Variants in C17orf100 observed in about 807,000 individuals in gnomAD.
The protein encoded by C17orf100 is uncharacterized protein C17orf100.
C17orf100 carries 1 observed loss-of-function variant against 0.7 expected under a neutral mutation model. The ratio of observed to expected loss-of-function variants is 1.50; its 90% CI spans 0.53 to 7.13. C17orf100 has a LOEUF of 7.13. C17orf100 is among the 30% of genes most tolerant of loss of function. C17orf100 has a pLI of 0.14. For synonymous variants in C17orf100, 87 were observed against 84.0 expected, an observed-to-expected ratio of 1.04 and a Z score of -0.20; for missense variants, 168 against 171.5, an observed-to-expected ratio of 0.98 and a Z score of 0.11.
chr17:6,652,342 C>T lies in C17orf100; in HGVS notation c.*72C>T. Reference sequence around the variant, plus strand: ...GACAGAAAGGCCTCCAGTTGCCAGCCAGCCAGCCAGCTGCCAGGTGGACCA... The same window carrying T: ...GACAGAAAGGCCTCCAGTTGCCAGCTAGCCAGCCAGCTGCCAGGTGGACCA... On this transcript the variant is annotated 3_prime_UTR_variant, in exon 1 of 1. Transcript: ENST00000542475. 6.3e-7 allele frequency: 1 copy of T among 1,588,282 alleles called. No homozygotes were observed. Among genetic ancestry groups the T allele is most frequent in the Non-Finnish European group, 8.6e-7 (1 of 1,168,892 alleles).
At position 6,652,710 on chromosome 17, in the gene C17orf100, A is replaced by C; in HGVS notation, c.*440A>C. ...CTGCTAAAAACTCGAGGGACAAGGAACAGACTCATAAATTATTAATTGGCC... is the reference window on the plus strand; with the variant it reads ...CTGCTAAAAACTCGAGGGACAAGGACCAGACTCATAAATTATTAATTGGCC... On this transcript the variant is annotated 3_prime_UTR_variant, in exon 1 of 1. Coordinates refer to ENST00000542475, the MANE Select transcript of C17orf100 (RefSeq NM_001105520.2). 1 of 205,666 alleles carries C rather than the reference A, an allele frequency of 4.9e-6. No homozygotes were observed. Among genetic ancestry groups the C allele is most frequent in the East Asian group, 1.6e-4 (1 of 6,196 alleles). 12.7% of individuals were successfully genotyped at this position (205,666 alleles called of 1,614,324 possible). A position where few individuals can be genotyped will look rare whatever the true frequency, so the allele number is the denominator to read the frequency against.
chr17:6,652,272 A>G lies in C17orf100; in HGVS notation c.*2A>G. 6.2e-7 allele frequency: 1 copy of G among 1,612,004 alleles called. No individual in the cohort carries two copies. On this transcript the variant is annotated 3_prime_UTR_variant, in exon 1 of 1. Transcript: ENST00000542475. ...CAGAACGAAAAAACGGCCCGATGAGATGCTGCTTCCCAAAGGCCACCAAGG... is the reference window on the plus strand; with the variant it reads ...CAGAACGAAAAAACGGCCCGATGAGGTGCTGCTTCCCAAAGGCCACCAAGG...
At position 6,652,690 on chromosome 17, in the gene C17orf100, A is replaced by G; in HGVS notation, c.*420A>G. ...CCTGTGGAATGATTCCATGCCTGCT[A>G]AAAACTCGAGGGACAAGGAACAGAC... On this transcript the variant is annotated 3_prime_UTR_variant, in exon 1 of 1. Transcript: ENST00000542475. 1 of 239,142 alleles carries G rather than the reference A, an allele frequency of 4.2e-6. No individual in the cohort carries two copies. Among genetic ancestry groups the G allele is most frequent in the Non-Finnish European group, 8.6e-6 (1 of 116,126 alleles). The allele number at this position is 239,142 out of a possible 1,614,324, so 14.8% of individuals were successfully genotyped here. A position where few individuals can be genotyped will look rare whatever the true frequency, so the allele number is the denominator to read the frequency against.
chr17:6,651,766 T>C lies in C17orf100; in HGVS notation c.-148T>C, dbSNP rs1007550520. 1.9e-5 allele frequency: 27 copies of C among 1,445,360 alleles called. No homozygotes were observed. The African/African-American group carries it at 2.9e-4, about 15-fold the overall frequency. 89.5% of individuals were successfully genotyped at this position (1,445,360 alleles called of 1,614,324 possible). On this transcript the variant is annotated 5_prime_UTR_variant, in exon 1 of 1. Coordinates refer to ENST00000542475, the MANE Select transcript of C17orf100 (RefSeq NM_001105520.2). ...CCTGAGGGGCAGGAGTCCAGTGTTT[T>C]AGCCTTCGAAGGACCATGGTGCTTC...
chr17:6,652,552 C>T lies in C17orf100; in HGVS notation c.*282C>T. The T allele has an allele frequency of 2.3e-6, 3 of 1,315,706 alleles. No individual in the cohort carries two copies. The highest frequency in any genetic ancestry group is 3.4e-5 in the Admixed American group (1 of 29,762). 81.5% of individuals were successfully genotyped at this position (1,315,706 alleles called of 1,614,324 possible). A position where few individuals can be genotyped will look rare whatever the true frequency, so the allele number is the denominator to read the frequency against. ...TTCAGGCCCAGGATGCTGTCTAAAT[C>T]GGGTTGATGGACAAAGAGAGGCTGT... On this transcript the variant is annotated 3_prime_UTR_variant, in exon 1 of 1. Coordinates refer to ENST00000542475, the MANE Select transcript of C17orf100 (RefSeq NM_001105520.2).
At position 6,652,530 on chromosome 17, in the gene C17orf100, A is replaced by T; in HGVS notation, c.*260A>T. Reference sequence around the variant, plus strand: ...CTTGAAGCCAGCACAGAAGGTTTTCAGGCCCAGGATGCTGTCTAAATCGGG... The same window carrying T: ...CTTGAAGCCAGCACAGAAGGTTTTCTGGCCCAGGATGCTGTCTAAATCGGG... On this transcript the variant is annotated 3_prime_UTR_variant, in exon 1 of 1. Transcript: ENST00000542475. The T allele has an allele frequency of 1.4e-6, 2 of 1,399,538 alleles. No individual in the cohort carries two copies. Among genetic ancestry groups the T allele is most frequent in the Non-Finnish European group, 1.9e-6 (2 of 1,065,308 alleles). 86.7% of individuals were successfully genotyped at this position (1,399,538 alleles called of 1,614,324 possible).
At position 6,653,194 on chromosome 17, in the gene C17orf100, G is replaced by A. The variant is rs1597636906; in HGVS notation, c.*924G>A. 6.0e-6 allele frequency: 1 copy of A among 167,106 alleles called. No homozygotes were observed. Among genetic ancestry groups the A allele is most frequent in the African/African-American group, 2.4e-5 (1 of 41,550 alleles). The allele number at this position is 167,106 out of a possible 1,614,324, so 10.4% of individuals were successfully genotyped here. Reference sequence around the variant, plus strand: ...TATCTCATGTAATTTATTGCATACTGTACTAAAAGTGAAAAAGAATGGTTG... The same window carrying A: ...TATCTCATGTAATTTATTGCATACTATACTAAAAGTGAAAAAGAATGGTTG... On this transcript the variant is annotated 3_prime_UTR_variant, in exon 1 of 1. Coordinates refer to ENST00000542475, the MANE Select transcript of C17orf100 (RefSeq NM_001105520.2).
chr17:6,652,360 G>C lies in C17orf100; in HGVS notation c.*90G>C. 3 of 1,567,034 alleles carry C rather than the reference G, an allele frequency of 1.9e-6. No homozygotes were observed. Among genetic ancestry groups the C allele is most frequent in the Non-Finnish European group, 2.6e-6 (3 of 1,158,494 alleles). On this transcript the variant is annotated 3_prime_UTR_variant, in exon 1 of 1. Coordinates refer to ENST00000542475, the MANE Select transcript of C17orf100 (RefSeq NM_001105520.2). ...TGCCAGCCAGCCAGCCAGCTGCCAG[G>C]TGGACCAATCATTTTCGGTTTCATG... is the stretch of plus-strand genomic sequence containing the variant.
chr17:6,651,881 C>T lies in C17orf100; in HGVS notation c.-33C>T. On this transcript the variant is annotated 5_prime_UTR_variant, in exon 1 of 1. Coordinates refer to ENST00000542475, the MANE Select transcript of C17orf100 (RefSeq NM_001105520.2). ...GGTGACCATTGGGCTGTAGGGTGCCCCGAGGCCTCCCTGGCCCCCTCACGC... is the reference window on the plus strand; with the variant it reads ...GGTGACCATTGGGCTGTAGGGTGCCTCGAGGCCTCCCTGGCCCCCTCACGC... The T allele has an allele frequency of 1.4e-6, 2 of 1,459,054 alleles. No individual in the cohort carries two copies. Among genetic ancestry groups the T allele is most frequent in the East Asian group, 2.5e-5 (1 of 40,180 alleles). 90.4% of individuals were successfully genotyped at this position (1,459,054 alleles called of 1,614,324 possible). A position where few individuals can be genotyped will look rare whatever the true frequency, so the allele number is the denominator to read the frequency against.
Position 6,652,129 on chromosome 17 carries a change from ATCC to A in C17orf100, c.222_224del (p.Ser75del), listed in dbSNP as rs754507793. On this transcript the variant is annotated inframe_deletion, in exon 1 of 1. Coordinates refer to ENST00000542475, the MANE Select transcript of C17orf100 (RefSeq NM_001105520.2). ...TCGAGGCGTCCTCCCGGCACGTGGAATCCTCCTCGCAGCGCACGGAAACGACCT... is the reference window on the plus strand; with the variant it reads ...TCGAGGCGTCCTCCCGGCACGTGGAATCCTCGCAGCGCACGGAAACGACCT... 32 of 1,595,946 alleles carry A rather than the reference ATCC, an allele frequency of 2.0e-5. No individual in the cohort carries two copies. The highest frequency in any genetic ancestry group is 2.5e-5 in the Non-Finnish European group (29 of 1,176,632).
Position 6,651,907 on chromosome 17 carries a change from C to G in C17orf100, c.-7C>G. The G allele has an allele frequency of 6.8e-7, 1 of 1,472,412 alleles. No homozygotes were observed. Among genetic ancestry groups the G allele is most frequent in the Non-Finnish European group, 9.0e-7 (1 of 1,108,258 alleles). The allele number at this position is 1,472,412 out of a possible 1,614,324, so 91.2% of individuals were successfully genotyped here. A position where few individuals can be genotyped will look rare whatever the true frequency, so the allele number is the denominator to read the frequency against. The stretch of plus-strand genomic sequence containing the variant: ...CGAGGCCTCCCTGGCCCCCTCACGC[C>G]GGCAGAATGGCCTCAGCCCGAGGGG... On this transcript the variant is annotated 5_prime_UTR_variant, in exon 1 of 1. Coordinates refer to ENST00000542475, the MANE Select transcript of C17orf100 (RefSeq NM_001105520.2).
At position 6,651,783 on chromosome 17, in the gene C17orf100, T is replaced by G. The variant is rs1972841957; in HGVS notation, c.-131T>G. On this transcript the variant is annotated 5_prime_UTR_variant, in exon 1 of 1. An upstream start codon of the reference 5' UTR is lost. Transcript: ENST00000542475. ...CAGTGTTTTAGCCTTCGAAGGACCA[T>G]GGTGCTTCCACGTCATCGTGTTGTG... 1 of 1,443,300 alleles carries G rather than the reference T, an allele frequency of 6.9e-7. No individual in the cohort carries two copies. The allele number at this position is 1,443,300 out of a possible 1,614,324, so 89.4% of individuals were successfully genotyped here. A position where few individuals can be genotyped will look rare whatever the true frequency, so the allele number is the denominator to read the frequency against.
Position 6,652,386 on chromosome 17 carries a change from GAAAC to G in C17orf100, c.*121_*124del, listed in dbSNP as rs762066335. The G allele has an allele frequency of 1.3e-5, 20 of 1,538,848 alleles. No individual in the cohort carries two copies. Among genetic ancestry groups the G allele is most frequent in the Non-Finnish European group, 1.7e-5 (19 of 1,144,108 alleles). ...TGGACCAATCATTTTCGGTTTCATG[GAAAC>G]AAACCATAAATCAATGTAAGAAACA... On this transcript the variant is annotated 3_prime_UTR_variant, in exon 1 of 1. Coordinates refer to ENST00000542475, the MANE Select transcript of C17orf100 (RefSeq NM_001105520.2).
chr17:6,651,804 T>C lies in C17orf100; in HGVS notation c.-110T>C, dbSNP rs1311976986. 1.2e-5 allele frequency: 18 copies of C among 1,442,786 alleles called. No homozygotes were observed. Among genetic ancestry groups the C allele is most frequent in the South Asian group, 1.5e-5 (1 of 67,358 alleles). 89.4% of individuals were successfully genotyped at this position (1,442,786 alleles called of 1,614,324 possible). ...ACCATGGTGCTTCCACGTCATCGTGTTGTGGCGCTCCCGGCTATGGCAGTA... is the reference window on the plus strand; with the variant it reads ...ACCATGGTGCTTCCACGTCATCGTGCTGTGGCGCTCCCGGCTATGGCAGTA... On this transcript the variant is annotated 5_prime_UTR_variant, in exon 1 of 1. Transcript: ENST00000542475.
chr17:6,652,936 AT>A lies in C17orf100; in HGVS notation c.*667del, dbSNP rs1972857813. 6.0e-6 allele frequency: 1 copy of A among 167,244 alleles called. No individual in the cohort carries two copies. Among genetic ancestry groups the A allele is most frequent in the South Asian group, 2.1e-4 (1 of 4,838 alleles). 10.4% of individuals were successfully genotyped at this position (167,244 alleles called of 1,614,324 possible). A position where few individuals can be genotyped will look rare whatever the true frequency, so the allele number is the denominator to read the frequency against. ...GGTTTGAAGAAGATGGAGAAGAGTT[AT>A]ATTTATTGAGAACCGGCTCTGTGCC... is the stretch of plus-strand genomic sequence containing the variant. On this transcript the variant is annotated 3_prime_UTR_variant, in exon 1 of 1. Coordinates refer to ENST00000542475, the MANE Select transcript of C17orf100 (RefSeq NM_001105520.2).
rs1438166820 is a variant in C17orf100 at position 6,652,304 on chromosome 17, G to A, written c.*34G>A. ...TTCCCAAAGGCCACCAAGGGGCCAG[G>A]GCCCTCAGCCAGGACAGAAAGGCCT... is the stretch of plus-strand genomic sequence containing the variant. On this transcript the variant is annotated 3_prime_UTR_variant, in exon 1 of 1. Transcript: ENST00000542475. 1.9e-6 allele frequency: 3 copies of A among 1,609,266 alleles called. No individual in the cohort carries two copies. The South Asian group carries it at 3.3e-5, about 18-fold the overall frequency.
At position 6,652,003 on chromosome 17, in the gene C17orf100, G is replaced by T; in HGVS notation, c.90G>T (p.Ser30=). The T allele has an allele frequency of 6.4e-7, 1 of 1,554,470 alleles. No homozygotes were observed. The highest frequency in any genetic ancestry group is 8.7e-7 in the Non-Finnish European group (1 of 1,149,220). Residue 30 remains serine, a synonymous_variant, in exon 1 of 1, where the codon TCG becomes TCT. Transcript: ENST00000542475. ...TETSTVRVET[S]SHRVETSSRR... is the part of the protein sequence containing the mutation. ...CGTCCACGGTCCGCGTGGAGACCTC[G>T]TCCCACCGCGTGGAGACGTCGTCCC...
chr17:6,652,550 A>G lies in C17orf100; in HGVS notation c.*280A>G. The G allele has an allele frequency of 2.3e-6, 3 of 1,318,136 alleles. No individual in the cohort carries two copies. The highest frequency in any genetic ancestry group is 3.0e-6 in the Non-Finnish European group (3 of 1,006,462). The allele number at this position is 1,318,136 out of a possible 1,614,324, so 81.7% of individuals were successfully genotyped here. ...TTTTCAGGCCCAGGATGCTGTCTAA[A>G]TCGGGTTGATGGACAAAGAGAGGCT... On this transcript the variant is annotated 3_prime_UTR_variant, in exon 1 of 1. Transcript: ENST00000542475.
Position 6,653,341 on chromosome 17 carries a change from G to A in C17orf100, c.*1071G>A, listed in dbSNP as rs1972861138. ...CTGTATTCTGGGAACTTGGGCTATAGCAGTAAAAAAGGCAAAGTCCCAGCT... is the reference window on the plus strand; with the variant it reads ...CTGTATTCTGGGAACTTGGGCTATAACAGTAAAAAAGGCAAAGTCCCAGCT... On this transcript the variant is annotated 3_prime_UTR_variant, in exon 1 of 1. Coordinates refer to ENST00000542475, the MANE Select transcript of C17orf100 (RefSeq NM_001105520.2). 6.0e-6 allele frequency: 1 copy of A among 165,518 alleles called. No individual in the cohort carries two copies. The highest frequency in any genetic ancestry group is 2.1e-4 in the South Asian group (1 of 4,834). The allele number at this position is 165,518 out of a possible 1,614,324, so 10.3% of individuals were successfully genotyped here.
Sources: gnomAD v4.1 joint callset for allele counts on GRCh38, gnomAD v4.1.1 for gene constraint, MANE v1.5 for transcripts, NCBI Gene and HGNC (gene_info 2026-07-23, HGNC 2026-07-21) for gene names.